The following ATP6V1G1 variants were observed in gnomAD, a reference collection of about 807,000 sequenced individuals.
ATP6V1G1 encodes the protein V-type proton ATPase subunit G 1.
ATP6V1G1 carries 14 observed loss-of-function variants against 14.2 expected under a neutral mutation model. The observed-to-expected ratio is 0.99, with a 90% CI of 0.65 to 1.55. The LOEUF (loss-of-function observed/expected upper bound fraction) is 1.55. ATP6V1G1 is among the 40% of genes most tolerant of loss of function. ATP6V1G1 has a pLI of 0.00. For missense variants in ATP6V1G1, 137 were observed against 146.4 expected, an observed-to-expected ratio of 0.94 and a Z score of 0.33; for synonymous variants, 65 against 53.3, an observed-to-expected ratio of 1.22 and a Z score of -0.96.
Position 114,587,859 on chromosome 9 carries a change from G to A in ATP6V1G1, c.21G>A (p.Gly7=), listed in dbSNP as rs1273873137. 1.3e-6 allele frequency: 2 copies of A among 1,594,472 alleles called. No individual in the cohort carries two copies. The highest frequency in any genetic ancestry group is 2.3e-5 in the East Asian group (1 of 44,166). Residue 7 remains glycine (G), a synonymous_variant, in exon 1 of 3, where the codon GGG becomes GGA. Coordinates refer to ENST00000374050, the MANE Select transcript of ATP6V1G1 (RefSeq NM_004888.4). MASQSQ[G]IQQLLQAEKR... is the part of the protein sequence containing the mutation. Reference sequence around the variant, plus strand: ...CCGCCATGGCTAGTCAGTCTCAGGGGATTCAGCAGCTGCTGCAGGCCGAGA... The same window carrying A: ...CCGCCATGGCTAGTCAGTCTCAGGGAATTCAGCAGCTGCTGCAGGCCGAGA...
At chr9:114,588,241 A>G in intron 1 of ATP6V1G1, 1 of 295,016 alleles carries the variant, frequency 3.4e-6, no homozygotes, top group Non-Finnish European at 6.3e-6. Flanking sequence ...TGGGGTGGTC[A>G]GTCTCGGTGA....
intron 2 of ATP6V1G1, among the ~76,000 whole-genome samples, chr9:114,595,738 G>T (rs1845231021): frequency 6.6e-6 from 1 of 152,076 alleles, no homozygotes; most frequent in Non-Finnish European, 1.5e-5. Flanking sequence ...TGAGCTTGGA[G>T]TCTGAGGCCA....
At position 114,597,785 on chromosome 9, in the gene ATP6V1G1, C is replaced by T. The variant is rs371468761; in HGVS notation, c.*42C>T. On this transcript the variant is annotated 3_prime_UTR_variant, in exon 3 of 3. Transcript: ENST00000374050. Reference sequence around the variant, plus strand: ...TGCTGTGGAGTGGCATTTTAGATGCCCTCACGAATATGAAGCTTAGCACAG... The same window carrying T: ...TGCTGTGGAGTGGCATTTTAGATGCTCTCACGAATATGAAGCTTAGCACAG... 52 of 1,467,860 alleles carry T rather than the reference C, an allele frequency of 3.5e-5. No homozygotes were observed. The highest frequency in any genetic ancestry group is 4.7e-5 in the Non-Finnish European group (52 of 1,109,038). The allele number at this position is 1,467,860 out of a possible 1,614,324, so 90.9% of individuals were successfully genotyped here.
intron 2 of ATP6V1G1, among the ~76,000 whole-genome samples, chr9:114,597,047 G>T (rs1425635893): frequency 7.2e-6 from 1 of 139,502 alleles, no homozygotes; most frequent in Non-Finnish European, 1.5e-5. Context: ...CTGGAGTGCA[G>T]TGGCGCGATC....
rs1845256447 is a variant in ATP6V1G1, at chr9:114,597,825, TTATGA to T, written c.*87_*91del. The T allele has an allele frequency of 1.6e-6, 2 of 1,247,072 alleles. No individual in the cohort carries two copies. The highest frequency in any genetic ancestry group is 2.1e-6 in the Non-Finnish European group (2 of 959,400). 77.3% of individuals were successfully genotyped at this position (1,247,072 alleles called of 1,614,324 possible). ...GCTTAGCACAGCTCTAGTTACATTCTTATGATATGGCATTAAATTATTTCCATATA... is the reference window on the plus strand; with the variant it reads ...GCTTAGCACAGCTCTAGTTACATTCTTATGGCATTAAATTATTTCCATATA... On this transcript the variant is annotated 3_prime_UTR_variant, in exon 3 of 3. Transcript: ENST00000374050.
intron 2 of ATP6V1G1, among the ~76,000 whole-genome samples, chr9:114,594,958 C>T (rs528644249): frequency 6.7e-6 from 1 of 148,182 alleles, no homozygotes; most frequent in African/African-American, 2.5e-5. Context: ...CTCCCAGGTT[C>T]AAGTGATTCT....
Position 114,598,415 on chromosome 9 carries a change from C to A in ATP6V1G1, c.*672C>A, listed in dbSNP as rs576996577. On this transcript the variant is annotated 3_prime_UTR_variant, in exon 3 of 3. Transcript: ENST00000374050. ...TTTTTTTCCCTGTCTCCGTGACAAC[C>A]AGTGGTTCTTCATTTTTGATCATGC... is the stretch of plus-strand genomic sequence containing the variant. 6.6e-6 allele frequency: 1 copy of A among 152,578 alleles called. No individual in the cohort carries two copies. Among genetic ancestry groups the A allele is most frequent in the East Asian group, 1.9e-4 (1 of 5,186 alleles). The allele number at this position is 152,578 out of a possible 1,614,324, so 9.5% of individuals were successfully genotyped here.
At chr9:114,592,226 G>A (rs1845189012) in intron 1 of ATP6V1G1, among the ~76,000 whole-genome samples, 1 of 152,146 alleles carries the variant, frequency 6.6e-6, no homozygotes, top group Admixed American at 6.6e-5. Flanking sequence ...TTCCCTAGAT[G>A]GTTAATGTTA....
In ATP6V1G1 at chr9:114,591,586, A is replaced by G. The variant is rs1016548327; in HGVS notation, c.83-966A>G. Reference sequence around the variant, plus strand: ...GAGAGAGAGACCTGTTAATTGTTTCAGACTAGCATCAGGGAATGTTGATGT... The same window carrying G: ...GAGAGAGAGACCTGTTAATTGTTTCGGACTAGCATCAGGGAATGTTGATGT... On this transcript the variant is annotated intron_variant, in intron 1 of 2. Transcript: ENST00000374050. Among the ~76,000 whole-genome samples, 14 of 152,308 alleles carry G rather than the reference A, an allele frequency of 9.2e-5. No homozygotes were observed. The East Asian group carries it at 2.7e-3, about 29-fold the overall frequency.
At chr9:114,595,478 T>C (rs1845228397) in intron 2 of ATP6V1G1, among the ~76,000 whole-genome samples, 1 of 151,936 alleles carries the variant, frequency 6.6e-6, no homozygotes, top group Non-Finnish European at 1.5e-5. Context: ...ATGGTGAAAC[T>C]CTGACTCTAC....
At chr9:114,588,477 A>AGT (rs531955618) in intron 1 of ATP6V1G1, among the ~76,000 whole-genome samples, 54 of 148,904 alleles carry the variant, frequency 3.6e-4, no homozygotes, top group Non-Finnish European at 6.4e-4. Context: ...TGGCAAGCGC[A>AGT]GTGTGTGTGT....
intron 2 of ATP6V1G1, among the ~76,000 whole-genome samples, chr9:114,596,986 CTTTTTTTTTT>C (rs71367785): frequency 9.6e-6 from 1 of 104,584 alleles, no homozygotes; most frequent in Non-Finnish European, 1.9e-5. Context: ...ATAGCAGATT[CTTTTTTTTTT>C]TTTTTTTTTT....
chr9:114,596,937 T>G (rs926667268), intron 2 of ATP6V1G1, among the ~76,000 whole-genome samples: 4 of 152,018 alleles, frequency 2.6e-5, no homozygotes, highest in Non-Finnish European at 5.9e-5. Context: ...AGAAGCAAGT[T>G]GAGTTTTTAG....
intron 2 of ATP6V1G1, among the ~76,000 whole-genome samples, chr9:114,596,343 G>A (rs1184518015): frequency 3.4e-5 from 5 of 148,600 alleles, no homozygotes; most frequent in South Asian, 2.1e-4. Flanking sequence ...AACGGAGATC[G>A]CGCCACTGCA....
chr9:114,596,397 A>G (rs1434621939), intron 2 of ATP6V1G1, among the ~76,000 whole-genome samples: 1 of 152,026 alleles, frequency 6.6e-6, no homozygotes, highest in Non-Finnish European at 1.5e-5. Context: ...CAAAAAAAAA[A>G]AAAAAAAAGT....
At chr9:114,596,874 T>G (rs1845243544) in intron 2 of ATP6V1G1, among the ~76,000 whole-genome samples, 1 of 152,056 alleles carries the variant, frequency 6.6e-6, no homozygotes, top group Non-Finnish European at 1.5e-5. Flanking sequence ...CTTTTCCCCC[T>G]CCTTAAGCTG....
At position 114,597,922 on chromosome 9, in the gene ATP6V1G1, TTATC is replaced by T; in HGVS notation, c.*182_*185del. 1 of 464,708 alleles carries T rather than the reference TTATC, an allele frequency of 2.2e-6. No homozygotes were observed. The highest frequency in any genetic ancestry group is 2.0e-5 in the African/African-American group (1 of 49,706). 28.8% of individuals were successfully genotyped at this position (464,708 alleles called of 1,614,324 possible). A position where few individuals can be genotyped will look rare whatever the true frequency, so the allele number is the denominator to read the frequency against. On this transcript the variant is annotated 3_prime_UTR_variant, in exon 3 of 3. Coordinates refer to ENST00000374050, the MANE Select transcript of ATP6V1G1 (RefSeq NM_004888.4). ...TAGCTTTTTTGTACAGACTTAGAAA[TTATC>T]TAAAGATTTCATCTTTTTACCTCAT...
intron 1 of ATP6V1G1, among the ~76,000 whole-genome samples, chr9:114,591,044 T>C (rs1457140046): frequency 6.6e-6 from 1 of 152,180 alleles, no homozygotes; most frequent in Non-Finnish European, 1.5e-5. Context: ...TCTGCTCACC[T>C]TGGCCTCTCA....
In ATP6V1G1 at chr9:114,592,653, G is replaced by A; in HGVS notation, c.183+1G>A. The A allele has an allele frequency of 6.4e-7, 1 of 1,570,044 alleles. No individual in the cohort carries two copies. Among genetic ancestry groups the A allele is most frequent in the South Asian group, 1.2e-5 (1 of 85,284 alleles). Reference sequence around the variant, plus strand: ...AGAATTCAAGGCCAAGGAAGCTGCGGTGGGGCACCATTTGTTTTTGTTACT... The same window carrying A: ...AGAATTCAAGGCCAAGGAAGCTGCGATGGGGCACCATTTGTTTTTGTTACT... On this transcript the variant is annotated splice_donor_variant, in intron 2 of 2. Coordinates refer to ENST00000374050, the MANE Select transcript of ATP6V1G1 (RefSeq NM_004888.4). LOFTEE classifies it high-confidence loss of function.
Sources: gnomAD v4.1 joint callset for allele counts (sites outside exome capture counted in the v4.1 genomes callset) on GRCh38, gnomAD v4.1.1 for gene constraint, MANE v1.5 for transcripts, NCBI Gene and HGNC (gene_info 2026-07-23, HGNC 2026-07-21) for gene names.